Variants in RBM33 observed in about 807,000 individuals in gnomAD.
RBM33 encodes the protein RNA-binding protein 33.
RBM33 carries 28 observed loss-of-function variants against 132.6 expected under a neutral mutation model. The ratio of observed to expected loss-of-function variants is 0.21; its 90% CI spans 0.16 to 0.29. The LOEUF (loss-of-function observed/expected upper bound fraction) is 0.29. Among genes scored for constraint, RBM33 ranks in the 10% least tolerant of loss-of-function variants. The pLI, the probability that RBM33 is intolerant of heterozygous loss-of-function variation, is 1.00. For missense variants in RBM33, 1,291 were observed against 1,518.5 expected (o/e 0.85, Z 2.49); for synonymous variants, 634 against 593.0 (o/e 1.07, Z -1.01).
intron 1 of RBM33, among the ~76,000 whole-genome samples, chr7:155,662,353 C>G (rs1785947267): frequency 1.3e-5 from 2 of 152,294 alleles, no homozygotes; most frequent in Non-Finnish European, 2.9e-5. Flanking sequence ...AGCACAGCAG[C>G]TCATCTACAT....
chr7:155,683,620 C>T (rs1406731498), intron 5 of RBM33, among the ~76,000 whole-genome samples: 2 of 152,174 alleles, frequency 1.3e-5, no homozygotes, highest in African/African-American at 4.8e-5. Context: ...AAGCTGGACG[C>T]ACAGCTCTGC....
At chr7:155,716,884 T>C (rs901889554) in intron 8 of RBM33, among the ~76,000 whole-genome samples, 6 of 152,176 alleles carry the variant, frequency 3.9e-5, no homozygotes, top group Non-Finnish European at 5.9e-5. Flanking sequence ...ATTTTTACAT[T>C]TTATAAAAGT....
At chr7:155,725,867 C>T (rs1369493875) in intron 9 of RBM33, among the ~76,000 whole-genome samples, 1 of 152,068 alleles carries the variant, frequency 6.6e-6, no homozygotes, top group Non-Finnish European at 1.5e-5. Flanking sequence ...TATCCTTCTT[C>T]AAAATGTTTA....
intron 9 of RBM33, among the ~76,000 whole-genome samples, chr7:155,722,708 T>G (rs368190458): frequency 6.6e-6 from 1 of 152,246 alleles, no homozygotes; most frequent in African/African-American, 2.4e-5. Context: ...TTTGAGACTT[T>G]TGTGAATCTA....
intron 14 of RBM33, chr7:155,746,579 G>T (rs1227147757): frequency 2.6e-5 from 4 of 152,218 alleles, no homozygotes; most frequent in Non-Finnish European, 5.9e-5. Context: ...ACTGCAGATA[G>T]ATTTCCATTG....
intron 6 of RBM33, among the ~76,000 whole-genome samples, chr7:155,706,400 A>T (rs1585464573): frequency 6.6e-6 from 1 of 152,152 alleles, no homozygotes; most frequent in Non-Finnish European, 1.5e-5. Context: ...AGGCTGAGGC[A>T]GGAGAATTGC....
At chr7:155,698,886 A>G (rs1490279822) in intron 5 of RBM33, among the ~76,000 whole-genome samples, 2 of 152,242 alleles carry the variant, frequency 1.3e-5, no homozygotes, top group Admixed American at 6.5e-5. Flanking sequence ...TGGATGTACA[A>G]GAGTTTATCC....
At chr7:155,662,678 C>T (rs1161214399) in intron 1 of RBM33, among the ~76,000 whole-genome samples, 1 of 152,144 alleles carries the variant, frequency 6.6e-6, no homozygotes, top group Non-Finnish European at 1.5e-5. Flanking sequence ...GTGGGACCCC[C>T]AGCCCTTGAC....
At chr7:155,708,649 C>T (rs1470960516) in intron 7 of RBM33, among the ~76,000 whole-genome samples, 2 of 152,188 alleles carry the variant, frequency 1.3e-5, no homozygotes, top group African/African-American at 4.8e-5. Flanking sequence ...TGTAATGTGA[C>T]TGATTTGGAC....
intron 4 of RBM33, 66 bp downstream of exon 4, chr7:155,678,750 A>C: frequency 1.3e-6 from 1 of 799,806 alleles, no homozygotes; most frequent in Non-Finnish European, 2.1e-6. Context: ...TGTTATTTAT[A>C]ATTATAATGG....
rs1802749314 is a variant in RBM33 at position 155,779,741 on chromosome 7, C to T, written c.*4700C>T. ...CCTCACACATTGTAACCTGCCTTGG[C>T]TAGAAAATGCTTTTAATGTCTCAAC... On this transcript the variant is annotated 3_prime_UTR_variant, in exon 18 of 18. Transcript: ENST00000401878. 1.3e-5 allele frequency: 2 copies of T among 152,158 alleles called. No homozygotes were observed. Among genetic ancestry groups the T allele is most frequent in the Non-Finnish European group, 2.9e-5 (2 of 68,040 alleles). 9.4% of individuals were successfully genotyped at this position (152,158 alleles called of 1,614,324 possible). A position where few individuals can be genotyped will look rare whatever the true frequency, so the allele number is the denominator to read the frequency against.
rs1585519780 is a variant in RBM33, at chr7:155,744,989, T to C, written c.2366T>C (p.Leu789Ser). Residue 789 changes from leucine to serine, a missense_variant, in exon 14 of 18, where the codon TTA becomes TCA. By Grantham distance (145) the Leu-to-Ser change is moderately radical. Transcript: ENST00000401878. ...EFPDEDEETRLYRLKIEEQKR... is the reference protein window; with the variant it reads ...EFPDEDEETRSYRLKIEEQKR... ...CCTGATGAAGATGAGGAAACAAGGTTATATCGCTTAAAGATAGAAGAACAG... is the reference window on the plus strand; with the variant it reads ...CCTGATGAAGATGAGGAAACAAGGTCATATCGCTTAAAGATAGAAGAACAG... 1.3e-6 allele frequency: 2 copies of C among 1,590,692 alleles called. No individual in the cohort carries two copies. Among genetic ancestry groups the C allele is most frequent in the East Asian group, 2.2e-5 (1 of 44,742 alleles).
intron 1 of RBM33, among the ~76,000 whole-genome samples, chr7:155,646,738 C>A (rs952221904): frequency 6.6e-6 from 1 of 152,180 alleles, no homozygotes; most frequent in African/African-American, 2.4e-5. Flanking sequence ...TTGTTTTCTT[C>A]AGAACGTTTA....
At chr7:155,705,015 TA>T (rs1461134683) in intron 6 of RBM33, among the ~76,000 whole-genome samples, 1 of 152,238 alleles carries the variant, frequency 6.6e-6, no homozygotes, top group Non-Finnish European at 1.5e-5. Flanking sequence ...ACAAATTGTG[TA>T]TTCTATATGT....
intron 9 of RBM33, among the ~76,000 whole-genome samples, chr7:155,721,002 C>G (rs1461722111): frequency 2.0e-5 from 3 of 152,312 alleles, no homozygotes; most frequent in Non-Finnish European, 4.4e-5. Flanking sequence ...ATTCAGAAAT[C>G]TGTGTGCCAG....
rs1015559420 is a variant in RBM33 at position 155,776,907 on chromosome 7, G to A, written c.*1866G>A. On this transcript the variant is annotated 3_prime_UTR_variant, in exon 18 of 18. Transcript: ENST00000401878. The surrounding 1 kb of genome is among the most constrained non-coding windows in gnomAD (Gnocchi z 4.0). ...AGTTTATTTGGCTCAGTCCACAGCTGCGTTGGAGTGGTGACTTTGGTAGCC... is the reference window on the plus strand; with the variant it reads ...AGTTTATTTGGCTCAGTCCACAGCTACGTTGGAGTGGTGACTTTGGTAGCC... 2 of 152,256 alleles carry A rather than the reference G, an allele frequency of 1.3e-5. No homozygotes were observed. The highest frequency in any genetic ancestry group is 2.9e-5 in the Non-Finnish European group (2 of 68,066). The allele number at this position is 152,256 out of a possible 1,614,324, so 9.4% of individuals were successfully genotyped here. A position where few individuals can be genotyped will look rare whatever the true frequency, so the allele number is the denominator to read the frequency against.
intron 14 of RBM33, among the ~76,000 whole-genome samples, chr7:155,754,258 C>T (rs531778068): frequency 4.6e-5 from 7 of 152,290 alleles, no homozygotes; most frequent in Non-Finnish European, 1.0e-4. Context: ...CACTCACCCA[C>T]CCCAGCCAGA....
chr7:155,763,382 G>A (rs570607116), intron 14 of RBM33, among the ~76,000 whole-genome samples: 13 of 152,238 alleles, frequency 8.5e-5, no homozygotes, highest in East Asian at 1.9e-4. Flanking sequence ...CCTTCTTAGG[G>A]TAGGTTGGAA....
At chr7:155,761,124 G>C (rs73167195) in intron 14 of RBM33, among the ~76,000 whole-genome samples, 10,370 of 152,252 alleles carry the variant, frequency 0.068, 557 homozygotes, top group African/African-American at 0.15. Flanking sequence ...GTTAACCGGG[G>C]GGGTGTTAAA....
Sources: allele counts gnomAD v4.1 joint callset (sites outside exome capture counted in the v4.1 genomes callset), GRCh38; gene constraint gnomAD v4.1.1; non-coding constraint Gnocchi (gnomAD v3.1); transcripts MANE v1.5; gene names NCBI Gene and HGNC (gene_info 2026-07-23, HGNC 2026-07-21).